Variants in PRKG1 observed in about 807,000 individuals in gnomAD.
PRKG1 encodes protein kinase cGMP-dependent 1.
Under a neutral mutation model 88.1 loss-of-function variants are expected in PRKG1, and 35 were observed. That is an observed-to-expected ratio of 0.40 (90% confidence interval 0.30 to 0.53). PRKG1 has a LOEUF of 0.53. PRKG1 is among the 20% of genes least tolerant of loss of function. PRKG1 has a pLI of 0.59. For synonymous variants in PRKG1, 303 were observed against 292.5 expected (o/e 1.04, Z -0.37); for missense variants, 540 against 839.8 (o/e 0.64, Z 4.41).
intron 2 of PRKG1, among the ~76,000 whole-genome samples, chr10:51,379,298 G>A (rs1842874973): frequency 6.6e-6 from 1 of 152,058 alleles, no homozygotes; most frequent in Non-Finnish European, 1.5e-5. Flanking sequence ...CTATTTATTA[G>A]TACATTATAT....
chr10:51,279,504 G>T (rs1026354693), intron 2 of PRKG1, among the ~76,000 whole-genome samples: 4 of 152,148 alleles, frequency 2.6e-5, no homozygotes, highest in Admixed American at 2.6e-4. Context: ...ATTATTGTGT[G>T]GGAGTCTAAG....
chr10:51,161,089 C>T (rs1380110827), intron 2 of PRKG1, among the ~76,000 whole-genome samples: 4 of 151,994 alleles, frequency 2.6e-5, no homozygotes, highest in South Asian at 2.1e-4. Flanking sequence ...AATTGTCCTT[C>T]GGGACAGTAA....
chr10:51,145,067 T>G (rs747179156), intron 1 of PRKG1, among the ~76,000 whole-genome samples: 1 of 152,174 alleles, frequency 6.6e-6, no homozygotes, highest in Non-Finnish European at 1.5e-5. Flanking sequence ...AATGATCAAT[T>G]TGAAAATCAA....
At chr10:51,670,751 AATAAATAAAT>A (rs1564599551) in intron 3 of PRKG1, among the ~76,000 whole-genome samples, 7,241 of 98,248 alleles carry the variant, frequency 0.074, 308 homozygotes, top group Admixed American at 0.1. Flanking sequence ...AAAATAAATA[AATAAATAAAT>A]AAATAAATAA....
chr10:52,206,708 A>T (rs1369588057), intron 9 of PRKG1, among the ~76,000 whole-genome samples: 1 of 152,148 alleles, frequency 6.6e-6, no homozygotes, highest in Admixed American at 6.5e-5. Flanking sequence ...ACACTCCTGG[A>T]CTGTGTGATT....
chr10:51,390,972 A>C (rs1386688040), intron 2 of PRKG1, among the ~76,000 whole-genome samples: 1 of 152,136 alleles, frequency 6.6e-6, no homozygotes. Context: ...GCGCAAAGAT[A>C]ATTGGTTTTG....
chr10:52,212,678 T>C (rs1444449318), intron 9 of PRKG1, among the ~76,000 whole-genome samples: 1 of 152,084 alleles, frequency 6.6e-6, no homozygotes, highest in African/African-American at 2.4e-5. Context: ...CAGAATTATC[T>C]TTCTGATTGC....
intron 1 of PRKG1, among the ~76,000 whole-genome samples, chr10:51,148,563 C>T (rs985235187): frequency 1.3e-5 from 2 of 151,914 alleles, no homozygotes; most frequent in African/African-American, 2.4e-5. Flanking sequence ...TGACTGAGGG[C>T]GAAACTGATC....
chr10:51,638,225 C>T (rs1361153604), intron 3 of PRKG1, among the ~76,000 whole-genome samples: 1 of 152,072 alleles, frequency 6.6e-6, no homozygotes, highest in African/African-American at 2.4e-5. Flanking sequence ...AATTGACTAG[C>T]AGTTTTATTA....
intron 8 of PRKG1, among the ~76,000 whole-genome samples, chr10:52,158,710 C>T (rs35478928): frequency 0.032 from 4,854 of 151,598 alleles, 208 homozygotes; most frequent in African/African-American, 0.1. Flanking sequence ...ATTTGTTTAA[C>T]GTTTCAGAAA....
intron 5 of PRKG1, among the ~76,000 whole-genome samples, chr10:52,045,887 G>T (rs1845852330): frequency 6.6e-6 from 1 of 152,030 alleles, no homozygotes; most frequent in African/African-American, 2.4e-5. Context: ...GCAGGGAGGA[G>T]AAAGGCTCTG....
intron 2 of PRKG1, among the ~76,000 whole-genome samples, chr10:51,244,117 A>G (rs1323376721): frequency 6.6e-6 from 1 of 152,190 alleles, no homozygotes; most frequent in Non-Finnish European, 1.5e-5. Flanking sequence ...CACACAATCA[A>G]TAAAATTTCC....
At chr10:51,383,728 C>G (rs751956064) in intron 2 of PRKG1, among the ~76,000 whole-genome samples, 1 of 152,174 alleles carries the variant, frequency 6.6e-6, no homozygotes, top group Non-Finnish European at 1.5e-5. Context: ...TCCTCTGAGA[C>G]TAATCCTTTG....
intron 4 of PRKG1, among the ~76,000 whole-genome samples, chr10:51,846,544 A>G (rs1206400268): frequency 1.3e-5 from 2 of 152,194 alleles, no homozygotes; most frequent in African/African-American, 4.8e-5. Flanking sequence ...CAAAAGGATC[A>G]GAGGCTTCTA....
At position 52,150,764 on chromosome 10, in the gene PRKG1, C is replaced by T. The variant is rs76299382; in HGVS notation, c.1002-11125C>T. 2.6e-5 allele frequency among the ~76,000 whole-genome samples: 4 copies of T among 152,122 alleles called. No individual in the cohort carries two copies. The South Asian group carries it at 6.2e-4, about 24-fold the overall frequency. ...GATACCTTGGGATAGATTTATTATG[C>T]CATTTTAGGATTTCACTTTCAAGTT... On this transcript the variant is annotated intron_variant, in intron 8 of 17. Transcript: ENST00000373980.
intron 2 of PRKG1, among the ~76,000 whole-genome samples, chr10:51,438,142 G>A (rs1838992387): frequency 6.6e-6 from 1 of 151,458 alleles, no homozygotes; most frequent in Non-Finnish European, 1.5e-5. Context: ...GGAAAGCACT[G>A]GATGCAAATA....
At chr10:51,294,199 T>G (rs1840658935) in intron 2 of PRKG1, among the ~76,000 whole-genome samples, 1 of 152,116 alleles carries the variant, frequency 6.6e-6, no homozygotes, top group African/African-American at 2.4e-5. Flanking sequence ...TTGTCGTTGC[T>G]CTTCATGAGC....
intron 3 of PRKG1, among the ~76,000 whole-genome samples, chr10:51,604,909 G>A (rs1451687058): frequency 6.6e-6 from 1 of 152,216 alleles, no homozygotes; most frequent in Non-Finnish European, 1.5e-5. Flanking sequence ...TGCAAGGACA[G>A]GGGGCCATTG....
intron 2 of PRKG1, among the ~76,000 whole-genome samples, chr10:51,381,288 A>AAAAAAAAAAAAAAAAAAC (rs1837093450): frequency 8.0e-6 from 1 of 125,260 alleles, no homozygotes. Context: ...AAAAAAAAAA[A>AAAAAAAAAAAAAAAAAAC]AAAAAAAAAA....
Sources: allele counts gnomAD v4.1 joint callset (sites outside exome capture counted in the v4.1 genomes callset), GRCh38; gene constraint gnomAD v4.1.1; transcripts MANE v1.5; gene names NCBI Gene and HGNC (gene_info 2026-07-23, HGNC 2026-07-21).